Variants in APELA observed in about 807,000 individuals in gnomAD.
The protein encoded by APELA is apelin receptor early endogenous ligand.
At chr4:164,885,080 C>T (rs1412875130) in intron 2 of APELA, among the ~76,000 whole-genome samples, 1 of 151,702 alleles carries the variant, frequency 6.6e-6, no homozygotes, top group Non-Finnish European at 1.5e-5. Flanking sequence ...TTTTATTTAT[C>T]TTTGTATTTT....
chr4:164,890,793 T>A (rs182772557), intron 2 of APELA, among the ~76,000 whole-genome samples: 39 of 152,348 alleles, frequency 2.6e-4, no homozygotes, highest in African/African-American at 7.0e-4. Context: ...TTATGCTATG[T>A]GTAACTCATT....
chr4:164,884,131 G>GAAAC (rs1340982509), intron 2 of APELA, among the ~76,000 whole-genome samples: 2 of 141,594 alleles, frequency 1.4e-5, no homozygotes, highest in African/African-American at 5.5e-5. Flanking sequence ...GAGAAAGAAA[G>GAAAC]AAAGAAAGAA....
Position 164,877,218 on chromosome 4 carries a change from T to G in APELA, c.-114T>G, listed in dbSNP as rs547735172. Reference sequence around the variant, plus strand: ...CTTCCTGCAAAACACAGCTGGCAGTTCTCTGAGGTTTGTCACTAGAATGTG... The same window carrying G: ...CTTCCTGCAAAACACAGCTGGCAGTGCTCTGAGGTTTGTCACTAGAATGTG... On this transcript the variant is annotated 5_prime_UTR_variant, in exon 1 of 3. Transcript: ENST00000507152. The G allele has an allele frequency of 1.8e-4, 72 of 396,076 alleles. No homozygotes were observed. The highest frequency in any genetic ancestry group is 1.3e-3 in the African/African-American group (65 of 48,654). The allele number at this position is 396,076 out of a possible 1,614,324, so 24.5% of individuals were successfully genotyped here.
intron 2 of APELA, among the ~76,000 whole-genome samples, chr4:164,887,813 T>C (rs1730802306): frequency 6.6e-6 from 1 of 152,192 alleles, no homozygotes; most frequent in Non-Finnish European, 1.5e-5. Context: ...GGTTTCACCA[T>C]GTTGGCCAGG....
intron 2 of APELA, among the ~76,000 whole-genome samples, chr4:164,893,630 C>A (rs1031445681): frequency 2.0e-5 from 3 of 152,076 alleles, no homozygotes; most frequent in Non-Finnish European, 2.9e-5. Context: ...TTCGCTTCAG[C>A]TCTCTTATAC....
At chr4:164,879,289 C>T (rs755945127) in intron 2 of APELA, 11 of 277,176 alleles carry the variant, frequency 4.0e-5, no homozygotes, top group East Asian at 3.0e-4. Flanking sequence ...AATATTATTG[C>T]GGATGTTATG....
At chr4:164,889,137 C>A (rs947159984) in intron 2 of APELA, among the ~76,000 whole-genome samples, 9 of 146,080 alleles carry the variant, frequency 6.2e-5, no homozygotes, top group African/African-American at 2.0e-4. Context: ...CCAATAACTT[C>A]TTTTATTACA....
chr4:164,895,017 T>G (rs1730946318), intron 2 of APELA, among the ~76,000 whole-genome samples: 1 of 152,074 alleles, frequency 6.6e-6, no homozygotes, highest in African/African-American at 2.4e-5. Flanking sequence ...CTTCATGTCT[T>G]CAGGAGGGGT....
rs955095192 is a variant in APELA, at chr4:164,896,054, A to C, written c.*640A>C. 1 of 152,210 alleles carries C rather than the reference A, an allele frequency of 6.6e-6. No individual in the cohort carries two copies. Among genetic ancestry groups the C allele is most frequent in the Non-Finnish European group, 1.5e-5 (1 of 68,038 alleles). 9.4% of individuals were successfully genotyped at this position (152,210 alleles called of 1,614,324 possible). On this transcript the variant is annotated 3_prime_UTR_variant, in exon 3 of 3. Coordinates refer to ENST00000507152, the MANE Select transcript of APELA (RefSeq NM_001297550.2). Reference sequence around the variant, plus strand: ...CATTTGAAGTTGAAAGAAAACATGAAATCCTAATTGTAGTTCATTTTATGT... The same window carrying C: ...CATTTGAAGTTGAAAGAAAACATGACATCCTAATTGTAGTTCATTTTATGT...
At chr4:164,890,599 A>G (rs185280493) in intron 2 of APELA, among the ~76,000 whole-genome samples, 23 of 152,358 alleles carry the variant, frequency 1.5e-4, no homozygotes, top group Admixed American at 4.6e-4. Flanking sequence ...GACTGAATAC[A>G]ATTCCATGAT....
In APELA at chr4:164,884,147, G is replaced by GAAAGAAAT. The variant is rs1560858107; in HGVS notation, c.*1+5145_*1+5146insTAAAGAAA. Among the ~76,000 whole-genome samples, 5 of 146,094 alleles carry GAAAGAAAT rather than the reference G, an allele frequency of 3.4e-5. No individual in the cohort carries two copies. The South Asian group carries it at 6.6e-4, about 19-fold the overall frequency. ...AGAAAGAAAGAAAGAAAGAAAGAAA[G>GAAAGAAAT]AAAGAAAGAAAGGAGAAGAGAAAGA... On this transcript the variant is annotated intron_variant, in intron 2 of 2. Transcript: ENST00000507152.
intron 2 of APELA, among the ~76,000 whole-genome samples, chr4:164,881,392 CT>C (rs1730650335): frequency 6.6e-6 from 1 of 152,078 alleles, no homozygotes; most frequent in Non-Finnish European, 1.5e-5. Flanking sequence ...GTGTTCAGAC[CT>C]TTAGCTCTTT....
At position 164,896,056 on chromosome 4, in the gene APELA, T is replaced by C. The variant is rs572589041; in HGVS notation, c.*642T>C. On this transcript the variant is annotated 3_prime_UTR_variant, in exon 3 of 3. Transcript: ENST00000507152. ...TTTGAAGTTGAAAGAAAACATGAAA[T>C]CCTAATTGTAGTTCATTTTATGTTC... 6.6e-6 allele frequency: 1 copy of C among 152,336 alleles called. No individual in the cohort carries two copies. The highest frequency in any genetic ancestry group is 2.4e-5 in the African/African-American group (1 of 41,578). The allele number at this position is 152,336 out of a possible 1,614,324, so 9.4% of individuals were successfully genotyped here.
intron 1 of APELA, among the ~76,000 whole-genome samples, chr4:164,878,307 T>G (rs1264380103): frequency 1.3e-5 from 2 of 152,108 alleles, no homozygotes; most frequent in Non-Finnish European, 2.9e-5. Context: ...GTTAAATTAT[T>G]CACTTGATAA....
At chr4:164,884,846 C>T (rs571550775) in intron 2 of APELA, among the ~76,000 whole-genome samples, 4 of 152,324 alleles carry the variant, frequency 2.6e-5, no homozygotes, top group African/African-American at 9.6e-5. Context: ...GCTTTTGCCT[C>T]AAATTTTTTC....
intron 2 of APELA, among the ~76,000 whole-genome samples, chr4:164,881,586 G>C (rs965991050): frequency 4.0e-5 from 6 of 151,718 alleles, no homozygotes; most frequent in Non-Finnish European, 7.4e-5. Flanking sequence ...AAGTGATTTA[G>C]AGTGAAGGAG....
chr4:164,883,440 A>G (rs556457880), intron 2 of APELA, among the ~76,000 whole-genome samples: 2 of 150,880 alleles, frequency 1.3e-5, no homozygotes, highest in East Asian at 3.9e-4. Context: ...AACTACAGAC[A>G]TCTACATCTA....
chr4:164,895,152 C>T (rs533016274), intron 2 of APELA, among the ~76,000 whole-genome samples: 43 of 152,170 alleles, frequency 2.8e-4, no homozygotes, highest in African/African-American at 9.6e-4. Context: ...GAGCTGAGAC[C>T]GTGCCACTGC....
At chr4:164,889,615 A>G (rs1299336844) in intron 2 of APELA, among the ~76,000 whole-genome samples, 1 of 151,722 alleles carries the variant, frequency 6.6e-6, no homozygotes, top group Non-Finnish European at 1.5e-5. Flanking sequence ...GGTTTGTTAC[A>G]TAGGTAAACG....
Sources: allele counts gnomAD v4.1 joint callset (sites outside exome capture counted in the v4.1 genomes callset), GRCh38; gene constraint gnomAD v4.1.1; transcripts MANE v1.5; gene names NCBI Gene and HGNC (gene_info 2026-07-23, HGNC 2026-07-21).